Variants in DNAH5 observed in about 807,000 individuals in gnomAD.
DNAH5 encodes the protein dynein axonemal heavy chain 5, also known as axonemal beta dynein heavy chain 5.
A neutral mutation model predicts 518.2 loss-of-function variants in DNAH5; 372 were observed. The ratio of observed to expected loss-of-function variants is 0.72; its 90% CI spans 0.66 to 0.78. The LOEUF is 0.78. Among genes scored for constraint, DNAH5 ranks in the 30% least tolerant of loss-of-function variants. The probability of loss-of-function intolerance (pLI) is 0.00; values close to 1 mark genes in which losing one functional copy is unlikely to be tolerated. For synonymous variants in DNAH5, 2,039 were observed against 2,025.9 expected (o/e 1.01, Z -0.17); for missense variants, 5,523 against 5,687.0 (o/e 0.97, Z 0.93).
chr5:13,801,248 G>C (rs1373040106), intron 47 of DNAH5, among the ~76,000 whole-genome samples: 1 of 152,108 alleles, frequency 6.6e-6, no homozygotes. Context: ...CACGAGATCT[G>C]GTTGCTTAAA....
chr5:13,799,393 G>A (rs1305760105), intron 47 of DNAH5, among the ~76,000 whole-genome samples: 1 of 152,000 alleles, frequency 6.6e-6, no homozygotes, highest in Non-Finnish European at 1.5e-5. Context: ...AAATGTACTA[G>A]GTGGGATAGT....
At chr5:13,760,436 CCCCGGCACATAA>C (rs1406605115) in intron 60 of DNAH5, among the ~76,000 whole-genome samples, 4 of 152,102 alleles carry the variant, frequency 2.6e-5, no homozygotes, top group African/African-American at 9.7e-5. Context: ...CAAGTCTAGT[CCCCGGCACATAA>C]CATGAGTTCA....
chr5:13,930,583 T>C (rs779219015), intron 2 of DNAH5, among the ~76,000 whole-genome samples: 5 of 152,178 alleles, frequency 3.3e-5, no homozygotes, highest in Admixed American at 2.0e-4. Flanking sequence ...TCTTCCCATA[T>C]TTTGGCCTTC....
chr5:13,729,411 A>T (rs751987519), intron 69 of DNAH5, 28 bp downstream of exon 69: 1 of 1,613,486 alleles, frequency 6.2e-7, no homozygotes. Flanking sequence ...ACATGACATC[A>T]GCTTAAGTTG....
Position 13,769,502 on chromosome 5 carries a change from A to C in DNAH5, c.9719T>G (p.Met3240Arg). The C allele has an allele frequency of 6.2e-7, 1 of 1,613,324 alleles. No individual in the cohort carries two copies. The highest frequency in any genetic ancestry group is 8.5e-7 in the Non-Finnish European group (1 of 1,179,336). ...GCACATGTGTAAATGCCCACCCACC[A>C]TGTCGGCTTTATCGTTGGCCACTTG... ...ELQVANDKAD[M>R]VLKEVTMKAQ... The change falls in exon 57 of 79, where the codon ATG (methionine) becomes AGG (arginine). Residue 3240 changes from methionine (M) to arginine (R), a missense_variant and splice_region_variant. Met to Arg is a moderately conservative substitution (Grantham distance 91). Transcript: ENST00000265104.
rs192889145 is a variant in DNAH5 at position 13,755,255 on chromosome 5, G to A, written c.10420-917C>T. 4.7e-4 allele frequency among the ~76,000 whole-genome samples: 71 copies of A among 152,150 alleles called. No homozygotes were observed. The East Asian group carries it at 0.013, about 27-fold the overall frequency. ...GTGTAGCTACCTGACAAGTCACTGG[G>A]TGTTCAAATATATATACACATGCTA... On this transcript the variant is annotated intron_variant, in intron 61 of 78. Transcript: ENST00000265104.
chr5:13,900,797 A>G, intron 14 of DNAH5: 1 of 322,974 alleles, frequency 3.1e-6, no homozygotes, highest in East Asian at 7.8e-5. Flanking sequence ...AAAAACAATG[A>G]ACACAGCTAT....
At chr5:13,718,775 A>G in intron 72 of DNAH5, 107 bp downstream of exon 72, 1 of 905,854 alleles carries the variant, frequency 1.1e-6, no homozygotes, top group South Asian at 1.4e-5. Flanking sequence ...GTTAAACAGT[A>G]GTACTATTTG....
At chr5:13,729,680 G>T in intron 68 of DNAH5, 120 bp from the exon 69 acceptor site, 2 of 895,972 alleles carry the variant, frequency 2.2e-6, no homozygotes, top group Non-Finnish European at 1.7e-6. Flanking sequence ...TTTAAGCACA[G>T]AAATATAAAT....
intron 31 of DNAH5, among the ~76,000 whole-genome samples, chr5:13,845,763 TTTTTA>T (rs1330756261): frequency 1.8e-5 from 1 of 55,038 alleles, no homozygotes; most frequent in African/African-American, 9.9e-5. Context: ...AGCTTTTTAA[TTTTTA>T]TTTTTTTTAA....
intron 38 of DNAH5, among the ~76,000 whole-genome samples, chr5:13,828,240 G>C (rs868190371): frequency 6.6e-6 from 1 of 152,204 alleles, no homozygotes; most frequent in Non-Finnish European, 1.5e-5. Flanking sequence ...AATGTAATTA[G>C]GTTGAACCTG....
intron 1 of DNAH5, among the ~76,000 whole-genome samples, chr5:13,932,705 T>C (rs1217590343): frequency 6.6e-6 from 1 of 152,120 alleles, no homozygotes; most frequent in East Asian, 1.9e-4. Context: ...CTGGCAGCAG[T>C]GTGGAAAGTA....
chr5:13,864,480 G>A lies in DNAH5; in HGVS notation c.4513C>T (p.His1505Tyr). 6.2e-7 allele frequency: 1 copy of A among 1,614,106 alleles called. No homozygotes were observed. The highest frequency in any genetic ancestry group is 8.5e-7 in the Non-Finnish European group (1 of 1,180,012). The change falls in exon 28 of 79, where the codon CAC becomes TAC. Residue 1505 changes from histidine to tyrosine, a missense_variant. This residue lies in a region of DNAH5 where 5,121 missense variants were observed against 5,223.3 expected (regional missense o/e 0.98). Coordinates refer to ENST00000265104, the MANE Select transcript of DNAH5 (RefSeq NM_001369.3). ...CTTTCATTCCCCACATCCAGACTGT[G>A]CCCGGTGAGGGTGGTTATCCTTTCC... ...HWERITTLTGHSLDVGNESFK... is the reference protein window; with the variant it reads ...HWERITTLTGYSLDVGNESFK...
intron 31 of DNAH5, among the ~76,000 whole-genome samples, chr5:13,847,477 T>C (rs1219207588): frequency 6.6e-6 from 1 of 152,108 alleles, no homozygotes; most frequent in Non-Finnish European, 1.5e-5. Context: ...GTAAGCACTT[T>C]GAGAGGCCGA....
At chr5:13,941,121 G>C (rs1779422817) in intron 1 of DNAH5, among the ~76,000 whole-genome samples, 1 of 152,224 alleles carries the variant, frequency 6.6e-6, no homozygotes, top group South Asian at 2.1e-4. Flanking sequence ...GGGAGGCTGA[G>C]GCGGGAGGAT....
chr5:13,864,097 T>C (rs574296586), intron 28 of DNAH5, among the ~76,000 whole-genome samples: 19 of 152,342 alleles, frequency 1.2e-4, no homozygotes, highest in African/African-American at 3.1e-4. Context: ...TCATCTACCA[T>C]AGGCTTTCAC....
chr5:13,907,618 T>A (rs970987523), intron 12 of DNAH5, among the ~76,000 whole-genome samples: 1 of 152,204 alleles, frequency 6.6e-6, no homozygotes. Flanking sequence ...ATGGTCTTTA[T>A]GGGTTCTCCT....
At chr5:13,994,075 C>G (rs1783754300) in intron 1 of DNAH5, among the ~76,000 whole-genome samples, 2 of 152,330 alleles carry the variant, frequency 1.3e-5, no homozygotes, top group Admixed American at 1.3e-4. Flanking sequence ...GGGGGATCTT[C>G]CCATGACTCC....
intron 12 of DNAH5, among the ~76,000 whole-genome samples, chr5:13,907,159 G>A (rs1289960815): frequency 3.9e-5 from 6 of 152,048 alleles, no homozygotes; most frequent in African/African-American, 1.2e-4. Context: ...GGCCAGGCAC[G>A]GTGGCTCACG....
Sources: allele counts gnomAD v4.1 joint callset (sites outside exome capture counted in the v4.1 genomes callset), GRCh38; gene constraint gnomAD v4.1.1; regional missense constraint gnomAD v4.1.1; transcripts MANE v1.5; gene names NCBI Gene and HGNC (gene_info 2026-07-23, HGNC 2026-07-21).